The following KLHL2 variants were observed in gnomAD, a reference collection of about 807,000 sequenced individuals.
KLHL2 encodes the protein kelch-like protein 2.
KLHL2 carries 15 observed loss-of-function variants against 75.8 expected under a neutral mutation model. That is an observed-to-expected ratio of 0.20 (90% CI 0.13 to 0.30). KLHL2 has a LOEUF of 0.30. Among genes scored for constraint, KLHL2 ranks in the 10% least tolerant of loss-of-function variants. The pLI is 1.00. For missense variants in KLHL2, 381 were observed against 741.0 expected (o/e 0.51, Z 5.64); for synonymous variants, 214 against 251.9 (o/e 0.85, Z 1.42).
At chr4:165,217,216 G>T (rs1485660329) in intron 1 of KLHL2, among the ~76,000 whole-genome samples, 1 of 152,142 alleles carries the variant, frequency 6.6e-6, no homozygotes, top group African/African-American at 2.4e-5. Flanking sequence ...GTATTACCTT[G>T]CTATCGTATA....
In KLHL2 at chr4:165,263,292, A is replaced by C; in HGVS notation, c.477A>C (p.Leu159Phe). The change falls in exon 5 of 15, where the codon TTA (leucine) becomes TTC (phenylalanine). Residue 159 changes from leucine (L) to phenylalanine (F), a missense_variant. By Grantham distance (22) the Leu-to-Phe change is conservative (BLOSUM62 0). Coordinates refer to ENST00000226725, the MANE Select transcript of KLHL2 (RefSeq NM_007246.4). The stretch of plus-strand genomic sequence containing the variant: ...CCCAGCTTCACCCTGTCAACTGCTT[A>C]GGAATCCGGGCTTTTGCTGATATGC... The part of the protein sequence containing the change: ...LESQLHPVNC[L>F]GIRAFADMHA... The C allele has an allele frequency of 6.2e-7, 1 of 1,614,090 alleles. No individual in the cohort carries two copies. The highest frequency in any genetic ancestry group is 8.5e-7 in the Non-Finnish European group (1 of 1,179,984).
Position 165,207,799 on chromosome 4 carries a change from C to A in KLHL2, c.-78C>A. 7.9e-7 allele frequency: 1 copy of A among 1,268,740 alleles called. No homozygotes were observed. Among genetic ancestry groups the A allele is most frequent in the Non-Finnish European group, 1.0e-6 (1 of 954,032 alleles). The allele number at this position is 1,268,740 out of a possible 1,614,324, so 78.6% of individuals were successfully genotyped here. On this transcript the variant is annotated 5_prime_UTR_variant, in exon 1 of 15. Transcript: ENST00000226725. The surrounding 1 kb of genome is among the most constrained non-coding windows in gnomAD (Gnocchi z 4.2). ...GATGGAACGCGGCTCGGCGGGCGGG[C>A]AGTGCCGGCGTCCGCGGCTGGAATG...
At chr4:165,279,141 C>T in intron 5 of KLHL2, 1 of 1,603,128 alleles carries the variant, frequency 6.2e-7, no homozygotes, top group East Asian at 2.2e-5. Flanking sequence ...CGTTTTTCTT[C>T]AACGGCCTTT....
chr4:165,228,978 A>G (rs2111037911), intron 3 of KLHL2, 65 bp downstream of exon 3: 3 of 915,716 alleles, frequency 3.3e-6, no homozygotes, highest in Middle Eastern at 2.9e-4. Flanking sequence ...TTCTTACCAC[A>G]TTTTCTTTTG....
At chr4:165,233,637 C>CT (rs1264264975) in intron 3 of KLHL2, among the ~76,000 whole-genome samples, 1 of 152,156 alleles carries the variant, frequency 6.6e-6, no homozygotes, top group Non-Finnish European at 1.5e-5. Context: ...TGAGAATCTT[C>CT]TCTGCTAGGC....
At chr4:165,262,537 G>A (rs1741777172) in intron 4 of KLHL2, among the ~76,000 whole-genome samples, 1 of 152,084 alleles carries the variant, frequency 6.6e-6, no homozygotes, top group African/African-American at 2.4e-5. Flanking sequence ...TTGAATCATA[G>A]CACCCCCTAG....
chr4:165,280,580 G>A (rs1336978977), intron 5 of KLHL2, among the ~76,000 whole-genome samples: 1 of 152,256 alleles, frequency 6.6e-6, no homozygotes. Flanking sequence ...GTCTATTGCA[G>A]TGTTAATTTA....
At chr4:165,220,731 T>G (rs931477937) in intron 2 of KLHL2, among the ~76,000 whole-genome samples, 1 of 152,222 alleles carries the variant, frequency 6.6e-6, no homozygotes, top group South Asian at 2.1e-4. Context: ...GAAAGAAACT[T>G]TTAGAGAAAA....
chr4:165,287,127 A>G (rs1560806165), intron 5 of KLHL2, among the ~76,000 whole-genome samples: 1 of 151,696 alleles, frequency 6.6e-6, no homozygotes, highest in African/African-American at 2.4e-5. Flanking sequence ...CAAAACTGAA[A>G]CTCTGTACCT....
intron 5 of KLHL2, among the ~76,000 whole-genome samples, chr4:165,286,301 A>G (rs1579123112): frequency 6.6e-6 from 1 of 152,314 alleles, no homozygotes; most frequent in South Asian, 2.1e-4. Context: ...TGATGATTAG[A>G]TCATATTCAT....
At chr4:165,220,767 G>A (rs1737920371) in intron 2 of KLHL2, among the ~76,000 whole-genome samples, 1 of 152,198 alleles carries the variant, frequency 6.6e-6, no homozygotes, top group Admixed American at 6.5e-5. Flanking sequence ...TGTGGGAGTG[G>A]TGGTAGTTTT....
rs1454282946 is a variant in KLHL2, at chr4:165,238,758, C to A, written c.260-20C>A. On this transcript the variant is annotated intron_variant, in intron 3 of 14. Coordinates refer to ENST00000226725, the MANE Select transcript of KLHL2 (RefSeq NM_007246.4). ...AGCAGTGTCTTGCTGTAACATCACT[C>A]TTATTCCTTTGTGTTTTAGGTGAGA... 1 of 1,613,122 alleles carries A rather than the reference C, an allele frequency of 6.2e-7. No homozygotes were observed. Among genetic ancestry groups the A allele is most frequent in the African/African-American group, 1.3e-5 (1 of 74,858 alleles).
chr4:165,269,963 A>T (rs888013710), intron 5 of KLHL2, among the ~76,000 whole-genome samples: 4 of 152,044 alleles, frequency 2.6e-5, no homozygotes, highest in African/African-American at 9.7e-5. Flanking sequence ...CACCAATCAA[A>T]CGTATATTTG....
At position 165,238,337 on chromosome 4, in the gene KLHL2, T is replaced by C. The variant is rs1739525809; in HGVS notation, c.260-441T>C. ...AGGCTATGCATGCCCCGGCAGGCAT[T>C]TGTGTGTTTGTTGAAGGAGTAATGC... On this transcript the variant is annotated intron_variant, in intron 3 of 14. Coordinates refer to ENST00000226725, the MANE Select transcript of KLHL2 (RefSeq NM_007246.4). 2.0e-5 allele frequency among the ~76,000 whole-genome samples: 3 copies of C among 152,146 alleles called. 1 individual carries two copies. In the South Asian group the frequency reaches 6.2e-4, roughly 32 times the overall value.
intron 5 of KLHL2, among the ~76,000 whole-genome samples, chr4:165,271,088 C>T (rs1417778428): frequency 6.6e-6 from 1 of 151,990 alleles, no homozygotes; most frequent in Non-Finnish European, 1.5e-5. Flanking sequence ...AATGTCATGC[C>T]TCTAGATTTG....
chr4:165,258,786 G>A (rs1358528883), intron 4 of KLHL2, among the ~76,000 whole-genome samples: 1 of 152,134 alleles, frequency 6.6e-6, no homozygotes, highest in Non-Finnish European at 1.5e-5. Context: ...CCAGATTAAA[G>A]CACATTCTTC....
intron 4 of KLHL2, among the ~76,000 whole-genome samples, chr4:165,239,863 C>T (rs1263768675): frequency 2.0e-5 from 3 of 152,064 alleles, no homozygotes; most frequent in Non-Finnish European, 1.5e-5. Flanking sequence ...TTCACACAAA[C>T]GTACACACAA....
chr4:165,311,431 GAAGGA>G, intron 10 of KLHL2, 28 bp from the exon 11 acceptor site: 4 of 1,462,290 alleles, frequency 2.7e-6, no homozygotes, highest in Non-Finnish European at 3.8e-6. Flanking sequence ...ATTTTTTAGA[GAAGGA>G]AATGAAGACT....
At chr4:165,297,771 C>A in intron 7 of KLHL2, 46 bp downstream of exon 7, 2 of 1,099,842 alleles carry the variant, frequency 1.8e-6, no homozygotes, top group Non-Finnish European at 2.8e-6. Context: ...CACTGTGTCA[C>A]TGGCCTGACA....
Sources: allele counts gnomAD v4.1 joint callset (sites outside exome capture counted in the v4.1 genomes callset), GRCh38; gene constraint gnomAD v4.1.1; non-coding constraint Gnocchi (gnomAD v3.1); transcripts MANE v1.5; gene names NCBI Gene and HGNC (gene_info 2026-07-23, HGNC 2026-07-21).